SORCS1: variants seen among roughly 807,000 people sequenced by gnomAD.
SORCS1 encodes the protein sortilin related VPS10 domain containing receptor 1.
SORCS1 carries 60 observed loss-of-function variants against 146.1 expected under a neutral mutation model. That is an observed-to-expected ratio of 0.41 (90% CI 0.33 to 0.51). The LOEUF is 0.51. Ranked by LOEUF, SORCS1 falls within the 20% of genes least tolerant of loss-of-function variation. The probability of loss-of-function intolerance (pLI) is 0.21; values close to 1 mark genes in which losing one functional copy is unlikely to be tolerated. For missense variants in SORCS1, 1,352 were observed against 1,487.6 expected (o/e 0.91, Z 1.50); for synonymous variants, 637 against 584.0 (o/e 1.09, Z -1.31).
intron 17 of SORCS1, 141 bp from the exon 18 acceptor site, chr10:106,652,694 G>T: frequency 1.2e-6 from 1 of 815,830 alleles, no homozygotes; most frequent in Non-Finnish European, 1.9e-6. Context: ...GAGGAGTAGG[G>T]TTAATTCATA....
chr10:106,821,808 G>T (rs1180576898), intron 3 of SORCS1, among the ~76,000 whole-genome samples: 1 of 151,860 alleles, frequency 6.6e-6, no homozygotes, highest in Non-Finnish European at 1.5e-5. Context: ...TGTAGTCCCA[G>T]CTACTCGGGA....
chr10:106,918,118 A>T (rs1952532544), intron 2 of SORCS1, among the ~76,000 whole-genome samples: 2 of 152,170 alleles, frequency 1.3e-5, no homozygotes, highest in South Asian at 4.1e-4. Context: ...GTTTTACTGA[A>T]GTGCCTTCTG....
chr10:106,692,269 A>G (rs1853350799), intron 9 of SORCS1, among the ~76,000 whole-genome samples: 1 of 152,088 alleles, frequency 6.6e-6, no homozygotes, highest in African/African-American at 2.4e-5. Flanking sequence ...GTTTTGTCAC[A>G]TTGCCCAGGC....
At chr10:106,591,231 C>G (rs1450886175) in intron 24 of SORCS1, among the ~76,000 whole-genome samples, 1 of 152,164 alleles carries the variant, frequency 6.6e-6, no homozygotes, top group Non-Finnish European at 1.5e-5. Flanking sequence ...TTCTCCCATT[C>G]TCTCTCAGAT....
intron 1 of SORCS1, among the ~76,000 whole-genome samples, chr10:106,994,850 G>GGCACCAAAATGTATTTT (rs1482520243): frequency 1.3e-5 from 2 of 152,148 alleles, no homozygotes; most frequent in Admixed American, 6.5e-5. Flanking sequence ...CCTAGAGGCA[G>GGCACCAAAATGTATTTT]GCACCAAAAT....
chr10:107,099,787 G>A (rs767143759), intron 1 of SORCS1, among the ~76,000 whole-genome samples: 13 of 152,138 alleles, frequency 8.5e-5, no homozygotes, highest in Non-Finnish European at 1.6e-4. Context: ...GTTTTGTATG[G>A]TTTAGTGCAT....
intron 2 of SORCS1, among the ~76,000 whole-genome samples, chr10:106,900,320 T>C (rs1951653352): frequency 1.3e-5 from 2 of 152,102 alleles, no homozygotes; most frequent in African/African-American, 4.8e-5. Context: ...TTTAATAGAA[T>C]TGAAATCAAA....
intron 2 of SORCS1, among the ~76,000 whole-genome samples, chr10:106,844,947 T>C (rs1949254931): frequency 6.7e-6 from 1 of 149,072 alleles, no homozygotes; most frequent in South Asian, 2.2e-4. Flanking sequence ...TTCCATGGTG[T>C]ATATTTGCCA....
chr10:106,731,686 AT>A (rs766644685), intron 5 of SORCS1, among the ~76,000 whole-genome samples: 2 of 152,168 alleles, frequency 1.3e-5, no homozygotes, highest in African/African-American at 2.4e-5. Flanking sequence ...TTTTTCCAAT[AT>A]GAAGGCATCC....
intron 5 of SORCS1, among the ~76,000 whole-genome samples, chr10:106,743,324 G>T (rs909000078): frequency 6.6e-6 from 1 of 152,064 alleles, no homozygotes; most frequent in Non-Finnish European, 1.5e-5. Flanking sequence ...TATTCCACAG[G>T]GGTCACCATG....
intron 18 of SORCS1, among the ~76,000 whole-genome samples, chr10:106,638,712 T>C (rs1848874587): frequency 6.6e-6 from 1 of 152,184 alleles, no homozygotes; most frequent in Non-Finnish European, 1.5e-5. Context: ...AGTCACTTCA[T>C]CCCCCTTCTA....
chr10:106,903,575 G>C (rs1444805169), intron 2 of SORCS1, among the ~76,000 whole-genome samples: 1 of 152,172 alleles, frequency 6.6e-6, no homozygotes, highest in African/African-American at 2.4e-5. Context: ...AACATTGTTT[G>C]TTTTGGAAGA....
intron 1 of SORCS1, among the ~76,000 whole-genome samples, chr10:107,143,657 C>T (rs979770164): frequency 6.6e-6 from 1 of 152,120 alleles, no homozygotes; most frequent in African/African-American, 2.4e-5. Flanking sequence ...GCACGCGCCA[C>T]CACACCAGGC....
intron 1 of SORCS1, among the ~76,000 whole-genome samples, chr10:107,107,140 C>A (rs1453517631): frequency 6.6e-6 from 1 of 152,116 alleles, no homozygotes; most frequent in Non-Finnish European, 1.5e-5. Context: ...TGAAACTGGG[C>A]AATGGGTAGA....
In SORCS1 at chr10:106,576,284, G is replaced by A. The variant is rs1321144402; in HGVS notation, c.*1136C>T. On this transcript the variant is annotated 3_prime_UTR_variant, in exon 26 of 26. Transcript: ENST00000263054. ...GCTCAGAAACTTGTGAGTAGTGGGG[G>A]CAGGGGCGGCACAGGCCAGGCCAGT... 6.5e-6 allele frequency: 1 copy of A among 152,920 alleles called. No homozygotes were observed. The highest frequency in any genetic ancestry group is 1.5e-5 in the Non-Finnish European group (1 of 68,506). 9.5% of individuals were successfully genotyped at this position (152,920 alleles called of 1,614,324 possible). A position where few individuals can be genotyped will look rare whatever the true frequency, so the allele number is the denominator to read the frequency against.
chr10:107,076,472 C>A (rs193037729), intron 1 of SORCS1, among the ~76,000 whole-genome samples: 108 of 152,214 alleles, frequency 7.1e-4, no homozygotes, highest in African/African-American at 2.4e-3. Context: ...CCAGCGAGCA[C>A]AAAACAGTAA....
intron 2 of SORCS1, among the ~76,000 whole-genome samples, chr10:106,887,947 G>C (rs1404780724): frequency 6.6e-6 from 1 of 152,154 alleles, no homozygotes. Context: ...ATGCTCACCT[G>C]AACAGGTTAC....
At chr10:106,878,996 A>G (rs1950711438) in intron 2 of SORCS1, among the ~76,000 whole-genome samples, 1 of 151,870 alleles carries the variant, frequency 6.6e-6, no homozygotes, top group African/African-American at 2.4e-5. Context: ...AAATACAAAA[A>G]AAAAGTAGCC....
chr10:107,009,816 C>G (rs1021635605), intron 1 of SORCS1, among the ~76,000 whole-genome samples: 6 of 152,026 alleles, frequency 3.9e-5, no homozygotes, highest in Non-Finnish European at 7.4e-5. Flanking sequence ...TTGAGAGATG[C>G]AAATAATTAT....
Sources: allele counts gnomAD v4.1 joint callset (sites outside exome capture counted in the v4.1 genomes callset), GRCh38; gene constraint gnomAD v4.1.1; transcripts MANE v1.5; gene names NCBI Gene and HGNC (gene_info 2026-07-23, HGNC 2026-07-21).